Variants in SPAG16 observed in about 807,000 individuals in gnomAD.
SPAG16 encodes the protein sperm-associated antigen 16 protein.
In SPAG16, 86 loss-of-function variants were observed where a neutral mutation model predicts 80.4. The ratio of observed to expected loss-of-function variants is 1.07; its 90% CI spans 0.90 to 1.28. SPAG16 has a LOEUF of 1.28. Among genes scored for constraint, SPAG16 ranks in the 50% most tolerant of loss-of-function variants. The pLI, the probability that SPAG16 is intolerant of heterozygous loss-of-function variation, is 0.00. For synonymous variants in SPAG16, 294 were observed against 265.9 expected, an observed-to-expected ratio of 1.11 and a Z score of -1.03; for missense variants, 870 against 765.3, an observed-to-expected ratio of 1.14 and a Z score of -1.61.
intron 9 of SPAG16, among the ~76,000 whole-genome samples, chr2:213,412,452 A>T (rs1489266487): frequency 6.6e-6 from 1 of 152,204 alleles, no homozygotes; most frequent in African/African-American, 2.4e-5. Context: ...AAATTAAAAA[A>T]AATAATAATT....
intron 15 of SPAG16, among the ~76,000 whole-genome samples, chr2:214,308,771 C>T (rs1559200786): frequency 4.6e-5 from 7 of 151,928 alleles, no homozygotes; most frequent in Admixed American, 3.9e-4. Context: ...TAGTCAGGGG[C>T]TTCTCTTTGT....
chr2:213,796,177 T>G (rs2071018586), intron 10 of SPAG16, among the ~76,000 whole-genome samples: 1 of 152,150 alleles, frequency 6.6e-6, no homozygotes. Flanking sequence ...TATAGTAATT[T>G]AATTTCCATA....
chr2:213,679,706 A>G (rs1354877682), intron 10 of SPAG16, among the ~76,000 whole-genome samples: 1 of 152,234 alleles, frequency 6.6e-6, no homozygotes, highest in East Asian at 1.9e-4. Context: ...TAAGAATGGC[A>G]TGATACTTTA....
At position 213,940,144 on chromosome 2, in the gene SPAG16, T is replaced by A. The variant is rs141069671; in HGVS notation, c.1400+9999T>A. Reference sequence around the variant, plus strand: ...AAAACATATAATTATATAACAGCCATAACTACCATTAAAAAAGTGAGCATT... The same window carrying A: ...AAAACATATAATTATATAACAGCCAAAACTACCATTAAAAAAGTGAGCATT... On this transcript the variant is annotated intron_variant, in intron 12 of 15. Transcript: ENST00000331683. Among the ~76,000 whole-genome samples the A allele has an allele frequency of 6.8e-4, 104 of 152,302 alleles. 1 individual carries two copies. In the East Asian group the frequency reaches 0.018, roughly 26 times the overall value.
intron 9 of SPAG16, among the ~76,000 whole-genome samples, chr2:213,453,021 A>C (rs1000498557): frequency 5.3e-5 from 8 of 152,188 alleles, no homozygotes; most frequent in Admixed American, 2.0e-4. Context: ...ATATCAGTTC[A>C]AGCCTCATTT....
intron 15 of SPAG16, among the ~76,000 whole-genome samples, chr2:214,353,969 T>C (rs1027844440): frequency 6.6e-6 from 1 of 152,120 alleles, no homozygotes; most frequent in African/African-American, 2.4e-5. Flanking sequence ...TTCCCATTCA[T>C]GCTCCTCAAT....
At chr2:214,370,787 T>C (rs1699764678) in intron 15 of SPAG16, among the ~76,000 whole-genome samples, 2 of 152,336 alleles carry the variant, frequency 1.3e-5, no homozygotes, top group East Asian at 1.9e-4. Context: ...TAAGACATAT[T>C]TCTCTTTGTT....
intron 10 of SPAG16, among the ~76,000 whole-genome samples, chr2:213,650,841 C>T (rs1574650108): frequency 6.6e-6 from 1 of 152,096 alleles, no homozygotes. Context: ...TCTAAATTTG[C>T]CTATATGTCC....
At chr2:213,450,661 A>C (rs2039214257) in intron 9 of SPAG16, among the ~76,000 whole-genome samples, 1 of 152,108 alleles carries the variant, frequency 6.6e-6, no homozygotes, top group Non-Finnish European at 1.5e-5. Flanking sequence ...CAGTGGCTTT[A>C]GATTTTTTAT....
At chr2:213,943,078 G>GC (rs929545990) in intron 12 of SPAG16, among the ~76,000 whole-genome samples, 3 of 152,104 alleles carry the variant, frequency 2.0e-5, no homozygotes, top group African/African-American at 7.2e-5. Context: ...GGATCTTCTG[G>GC]CCACCTCATC....
At chr2:213,997,486 CATG>C (rs1228555636) in intron 12 of SPAG16, among the ~76,000 whole-genome samples, 1 of 152,138 alleles carries the variant, frequency 6.6e-6, no homozygotes, top group Non-Finnish European at 1.5e-5. Flanking sequence ...GCAGCAAAAA[CATG>C]ATAAATAAAG....
At chr2:214,089,613 A>G (rs969443720) in intron 13 of SPAG16, among the ~76,000 whole-genome samples, 1 of 151,964 alleles carries the variant, frequency 6.6e-6, no homozygotes, top group African/African-American at 2.4e-5. Flanking sequence ...ATTCTAACCT[A>G]TATTCCAAGT....
intron 10 of SPAG16, among the ~76,000 whole-genome samples, chr2:213,752,359 C>T (rs2068115914): frequency 1.3e-5 from 2 of 151,972 alleles, no homozygotes; most frequent in Non-Finnish European, 2.9e-5. Context: ...TTTTTGACTC[C>T]CCTCTTTGTA....
chr2:214,391,477 C>T (rs1701077100), intron 15 of SPAG16, among the ~76,000 whole-genome samples: 1 of 151,904 alleles, frequency 6.6e-6, no homozygotes, highest in African/African-American at 2.4e-5. Context: ...ATTTTATCCA[C>T]CAAAATGAAA....
chr2:213,423,072 G>T (rs2125445269), intron 9 of SPAG16, among the ~76,000 whole-genome samples: 1 of 152,294 alleles, frequency 6.6e-6, no homozygotes, highest in South Asian at 2.1e-4. Flanking sequence ...GAAGTGTAAG[G>T]GTTTGGCTAC....
intron 10 of SPAG16, among the ~76,000 whole-genome samples, chr2:213,703,338 T>G (rs1216011780): frequency 2.0e-5 from 3 of 152,230 alleles, no homozygotes; most frequent in African/African-American, 7.2e-5. Flanking sequence ...CCTTTCCTTT[T>G]TCATGTTCTC....
intron 9 of SPAG16, among the ~76,000 whole-genome samples, chr2:213,407,598 AG>A: frequency 1.3e-4 from 1 of 7,794 alleles, no homozygotes; most frequent in Non-Finnish European, 2.9e-4. Context: ...GAGAGACAGG[AG>A]AGAGAGAGAG....
chr2:214,029,548 G>C (rs2048309200), intron 13 of SPAG16, among the ~76,000 whole-genome samples: 1 of 152,068 alleles, frequency 6.6e-6, no homozygotes, highest in Non-Finnish European at 1.5e-5. Context: ...CTATGCAAAA[G>C]ATGACAATGG....
rs558215324 is a variant in SPAG16, at chr2:214,335,835, TG to T, written c.1721-74304del. ...GTGCAGTGGCACAATCTCGGCTCAC[TG>T]CAACCTCTGCCTCCCAGGTTCAAGT... On this transcript the variant is annotated intron_variant, in intron 15 of 15. Coordinates refer to ENST00000331683, the MANE Select transcript of SPAG16 (RefSeq NM_024532.5). 3.6e-3 allele frequency among the ~76,000 whole-genome samples: 506 copies of T among 142,244 alleles called. 7 individuals are homozygous for T. The highest frequency in any genetic ancestry group is 4.5e-3 in the Non-Finnish European group (301 of 66,524). 93.3% of individuals were successfully genotyped at this position (142,244 alleles called of 152,430 possible).
Sources: allele counts gnomAD v4.1 joint callset (sites outside exome capture counted in the v4.1 genomes callset), GRCh38; gene constraint gnomAD v4.1.1; transcripts MANE v1.5; gene names NCBI Gene and HGNC (gene_info 2026-07-23, HGNC 2026-07-21).